PGM1: variants seen among roughly 807,000 people sequenced by gnomAD.
PGM1 encodes phosphoglucomutase-1.
Under a neutral mutation model 55.6 loss-of-function variants are expected in PGM1, and 52 were observed. The observed-to-expected ratio is 0.94, with a 90% CI of 0.75 to 1.18. The LOEUF is 1.18. PGM1 is among the 50% of genes most tolerant of loss of function. The pLI, the probability that PGM1 is intolerant of heterozygous loss-of-function variation, is 0.00. For missense variants in PGM1, 724 were observed against 729.3 expected (o/e 0.99, Z 0.08); for synonymous variants, 287 against 271.7 (o/e 1.06, Z -0.55).
At chr1:63,604,536 C>G (rs746352442) in intron 1 of PGM1, among the ~76,000 whole-genome samples, 1 of 152,050 alleles carries the variant, frequency 6.6e-6, no homozygotes, top group Non-Finnish European at 1.5e-5. Flanking sequence ...CTGGGAAGAT[C>G]TAACATGCAG....
chr1:63,627,875 T>G (rs1018830541), intron 1 of PGM1, among the ~76,000 whole-genome samples: 4 of 152,180 alleles, frequency 2.6e-5, no homozygotes, highest in Admixed American at 2.6e-4. Flanking sequence ...ACCTGGAAAC[T>G]GCTGGAAGGT....
chr1:63,595,123 A>G (rs1648022129), intron 1 of PGM1, among the ~76,000 whole-genome samples: 1 of 152,128 alleles, frequency 6.6e-6, no homozygotes, highest in African/African-American at 2.4e-5. Context: ...ATCCCCTGAA[A>G]TGGATATTTT....
chr1:63,600,494 A>G (rs778722349), intron 1 of PGM1, among the ~76,000 whole-genome samples: 2 of 152,204 alleles, frequency 1.3e-5, no homozygotes, highest in Non-Finnish European at 2.9e-5. Flanking sequence ...AGTGAATTGA[A>G]CAAAGTTTCT....
chr1:63,643,723 C>T (rs928286690), intron 7 of PGM1, among the ~76,000 whole-genome samples: 1 of 152,194 alleles, frequency 6.6e-6, no homozygotes, highest in Non-Finnish European at 1.5e-5. Context: ...GACTTTGGGC[C>T]AACCCCTGTT....
At chr1:63,642,711 G>T (rs1649549032) in intron 7 of PGM1, among the ~76,000 whole-genome samples, 1 of 152,142 alleles carries the variant, frequency 6.6e-6, no homozygotes. Flanking sequence ...AGGTCTAGAG[G>T]CTAGCAATAT....
In PGM1 at chr1:63,656,999, T is replaced by C. The variant is rs140028461; in HGVS notation, c.1599+2533T>C. The stretch of plus-strand genomic sequence containing the variant: ...ACTATCACCACCACAACAAAAAAGG[T>C]AAGTAGGTGACAAGATTGATAATGT... On this transcript the variant is annotated intron_variant, in intron 10 of 10. Coordinates refer to ENST00000371084, the MANE Select transcript of PGM1 (RefSeq NM_002633.3). Among the ~76,000 whole-genome samples, 467 of 152,238 alleles carry C rather than the reference T, an allele frequency of 3.1e-3. 1 individual carries two copies. Among genetic ancestry groups the C allele is most frequent in the African/African-American group, 0.011 (438 of 41,544 alleles).
chr1:63,659,628 C>G lies in PGM1; in HGVS notation c.1642C>G (p.Gln548Glu), dbSNP rs1305058129. ...PLISIALKVS[Q>E]LQERTGRTAP... ...TATTTCCATTGCTCTGAAAGTGTCC[C>G]AGCTGCAGGAGAGGACGGGACGCAC... Residue 548 changes from glutamine to glutamate, a missense_variant, in exon 11 of 11, where the codon CAG becomes GAG. By Grantham distance (29) the Gln-to-Glu change is conservative (BLOSUM62 2). Coordinates refer to ENST00000371084, the MANE Select transcript of PGM1 (RefSeq NM_002633.3). 1 of 1,614,038 alleles carries G rather than the reference C, an allele frequency of 6.2e-7. No individual in the cohort carries two copies.
chr1:63,599,399 C>A (rs1315269044), intron 1 of PGM1, among the ~76,000 whole-genome samples: 2 of 151,926 alleles, frequency 1.3e-5, no homozygotes, highest in African/African-American at 4.8e-5. Flanking sequence ...CTCTTGACCT[C>A]ATCATCCGCC....
chr1:63,599,161 C>T (rs2100954496), intron 1 of PGM1, among the ~76,000 whole-genome samples: 1 of 152,146 alleles, frequency 6.6e-6, no homozygotes, highest in Middle Eastern at 3.4e-3. Flanking sequence ...CAGAGAAACA[C>T]CTTCAAGTCA....
chr1:63,632,582 G>A (rs1649224275), intron 4 of PGM1, among the ~76,000 whole-genome samples: 1 of 152,174 alleles, frequency 6.6e-6, no homozygotes, highest in Non-Finnish European at 1.5e-5. Flanking sequence ...TCAGACAAAA[G>A]CGATTCTGTC....
At chr1:63,641,517 ACT>A (rs1649517473) in intron 7 of PGM1, among the ~76,000 whole-genome samples, 1 of 152,202 alleles carries the variant, frequency 6.6e-6, no homozygotes, top group African/African-American at 2.4e-5. Context: ...GACATTAGTG[ACT>A]CTATGAACTT....
At chr1:63,622,438 A>G (rs1430509640) in intron 1 of PGM1, among the ~76,000 whole-genome samples, 2 of 152,244 alleles carry the variant, frequency 1.3e-5, no homozygotes, top group Non-Finnish European at 2.9e-5. Flanking sequence ...AGTTTCTTCA[A>G]ATACAAAGGA....
At chr1:63,646,579 C>G (rs2024837) in intron 7 of PGM1, among the ~76,000 whole-genome samples, 35,964 of 151,924 alleles carry the variant, frequency 0.24, 4,458 homozygotes, top group East Asian at 0.34. Flanking sequence ...AATTTGAAGG[C>G]TTTGATCCTT....
In PGM1 at chr1:63,616,419, G is replaced by A. The variant is rs1648713859; in HGVS notation, c.247-13006G>A. ...TCAGAATGGCAATTATGCAGATGGA[G>A]AATGCCTTCCATGGCTTCTTGTCTG... On this transcript the variant is annotated intron_variant, in intron 1 of 10. Transcript: ENST00000371084. Among the ~76,000 whole-genome samples, 5 of 152,214 alleles carry A rather than the reference G, an allele frequency of 3.3e-5. No individual in the cohort carries two copies. In the South Asian group the frequency reaches 1.0e-3, roughly 32 times the overall value.
intron 1 of PGM1, 132 bp from the exon 2 acceptor site, chr1:63,629,288 TAAATA>T (rs1649123524): frequency 2.6e-6 from 2 of 780,942 alleles, no homozygotes; most frequent in Non-Finnish European, 4.5e-6. Context: ...AGATTTTTAT[TAAATA>T]AAATCTTTTC....
intron 6 of PGM1, among the ~76,000 whole-genome samples, chr1:63,638,072 G>A (rs775546322): frequency 6.6e-6 from 1 of 152,200 alleles, no homozygotes; most frequent in Non-Finnish European, 1.5e-5. Flanking sequence ...TAAAAGACGT[G>A]TTAGAAGGGA....
chr1:63,647,256 TTACATA>T (rs1171603240), intron 7 of PGM1, among the ~76,000 whole-genome samples: 3 of 51,560 alleles, frequency 5.8e-5, no homozygotes, highest in African/African-American at 1.1e-4. Flanking sequence ...AAATAAAATT[TTACATA>T]TATATATATA....
At chr1:63,623,318 T>G (rs1427951553) in intron 1 of PGM1, 1 of 1,480,546 alleles carries the variant, frequency 6.8e-7, no homozygotes, top group Non-Finnish European at 8.9e-7. Context: ...CCAAGCTTTC[T>G]CATTGAGAGT....
intron 1 of PGM1, among the ~76,000 whole-genome samples, chr1:63,617,619 C>T (rs980641442): frequency 8.0e-5 from 12 of 149,282 alleles, no homozygotes; most frequent in African/African-American, 1.5e-4. Context: ...GGCTGAGGCA[C>T]GAGAACTCAG....
Sources: gnomAD v4.1 joint callset for allele counts (sites outside exome capture counted in the v4.1 genomes callset) on GRCh38, gnomAD v4.1.1 for gene constraint, MANE v1.5 for transcripts, NCBI Gene and HGNC (gene_info 2026-07-23, HGNC 2026-07-21) for gene names.